The following KCNH5 variants were observed in gnomAD, a reference collection of about 807,000 sequenced individuals.
The protein encoded by KCNH5 is potassium voltage-gated channel subfamily H member 5.
KCNH5 carries 46 observed loss-of-function variants against 96.1 expected under a neutral mutation model. The ratio of observed to expected loss-of-function variants is 0.48; its 90% CI spans 0.38 to 0.61. KCNH5 has a LOEUF of 0.61. Among genes scored for constraint, KCNH5 ranks in the 20% least tolerant of loss-of-function variants. KCNH5 has a pLI of 0.00. For missense variants in KCNH5, 907 were observed against 1,225.8 expected (o/e 0.74, Z 3.88); for synonymous variants, 439 against 449.8 (o/e 0.98, Z 0.30).
At chr14:62,811,416 G>A (rs1886870657) in intron 8 of KCNH5, among the ~76,000 whole-genome samples, 1 of 152,044 alleles carries the variant, frequency 6.6e-6, no homozygotes, top group African/African-American at 2.4e-5. Flanking sequence ...AGCTTGCCAT[G>A]TTCTCCCATT....
chr14:62,883,211 T>A (rs1014752221), intron 7 of KCNH5, among the ~76,000 whole-genome samples: 1 of 152,206 alleles, frequency 6.6e-6, no homozygotes, highest in African/African-American at 2.4e-5. Flanking sequence ...TTTGATCCAA[T>A]CGGGACAACT....
intron 7 of KCNH5, among the ~76,000 whole-genome samples, chr14:62,854,971 G>C (rs1442971729): frequency 1.3e-5 from 2 of 150,978 alleles, no homozygotes; most frequent in African/African-American, 4.9e-5. Context: ...CATACCCTAT[G>C]ACTCTTTGAC....
At chr14:62,895,511 T>G (rs903296971) in intron 7 of KCNH5, among the ~76,000 whole-genome samples, 1 of 152,108 alleles carries the variant, frequency 6.6e-6, no homozygotes, top group Non-Finnish European at 1.5e-5. Context: ...TGTATTTTCT[T>G]TAGTAGAGAC....
chr14:62,779,250 G>A (rs529511296), intron 10 of KCNH5, among the ~76,000 whole-genome samples: 18 of 152,272 alleles, frequency 1.2e-4, no homozygotes, highest in African/African-American at 4.1e-4. Context: ...GTGTCAATGT[G>A]GCTAATTAAT....
At chr14:62,795,043 GAT>G (rs770623938) in intron 9 of KCNH5, among the ~76,000 whole-genome samples, 8 of 152,230 alleles carry the variant, frequency 5.3e-5, no homozygotes, top group Non-Finnish European at 1.0e-4. Context: ...TGTGGTCTGA[GAT>G]ACTTAACACA....
In KCNH5 at chr14:62,705,484, C is replaced by A. The variant is rs576369136; in HGVS notation, c.*2024G>T. On this transcript the variant is annotated 3_prime_UTR_variant, in exon 11 of 11. Transcript: ENST00000322893. ...CAAAATTCCAATTTCAAGGCTGATT[C>A]TTTACTCCATAATTATTTCATTTTC... The A allele has an allele frequency of 3.9e-5, 6 of 152,082 alleles. No homozygotes were observed. The highest frequency in any genetic ancestry group is 9.6e-5 in the African/African-American group (4 of 41,544). The allele number at this position is 152,082 out of a possible 1,614,324, so 9.4% of individuals were successfully genotyped here.
intron 7 of KCNH5, among the ~76,000 whole-genome samples, chr14:62,880,378 G>GT (rs1888468141): frequency 6.6e-6 from 1 of 152,158 alleles, no homozygotes; most frequent in East Asian, 1.9e-4. Context: ...GATTTCAAAA[G>GT]TATTAGTTTT....
chr14:62,708,003 T>C lies in KCNH5; in HGVS notation c.2472A>G (p.Lys824=). The C allele has an allele frequency of 6.2e-7, 1 of 1,614,214 alleles. No homozygotes were observed. The highest frequency in any genetic ancestry group is 8.5e-7 in the Non-Finnish European group (1 of 1,180,040). The change falls in exon 11 of 11, where the codon AAA becomes AAG. Residue 824 remains lysine, a synonymous_variant. Coordinates refer to ENST00000322893, the MANE Select transcript of KCNH5 (RefSeq NM_139318.5). ...LKNNMGAHEE[K]KEDWNNVTKA... ...TAGTGACATTATTCCAGTCTTCCTT[T>C]TTCTCCTCATGGGCTCCCATATTAT...
chr14:62,830,495 G>A (rs1331066876), intron 8 of KCNH5, among the ~76,000 whole-genome samples: 1 of 152,180 alleles, frequency 6.6e-6, no homozygotes, highest in Non-Finnish European at 1.5e-5. Context: ...CATGGCAAAG[G>A]GGAAGGTGAA....
intron 1 of KCNH5, among the ~76,000 whole-genome samples, chr14:63,019,907 G>A (rs1891393451): frequency 6.6e-6 from 1 of 152,076 alleles, no homozygotes; most frequent in African/African-American, 2.4e-5. Context: ...TACAGCCTGG[G>A]AGAAAATACT....
intron 7 of KCNH5, among the ~76,000 whole-genome samples, chr14:62,855,280 G>A (rs897426548): frequency 2.6e-5 from 4 of 152,042 alleles, no homozygotes; most frequent in Admixed American, 6.5e-5. Flanking sequence ...CGACCATTCC[G>A]TTTTTTCTTT....
chr14:62,929,506 A>G (rs1024671383), intron 7 of KCNH5, among the ~76,000 whole-genome samples: 2 of 151,928 alleles, frequency 1.3e-5, no homozygotes, highest in South Asian at 4.2e-4. Context: ...AGGGCCCTTC[A>G]TGGTCTGGTC....
Position 62,708,323 on chromosome 14 carries a change from C to G in KCNH5, c.2152G>C (p.Glu718Gln), listed in dbSNP as rs1308657380. The change falls in exon 11 of 11, where the codon GAG becomes CAG. Residue 718 changes from glutamate to glutamine, a missense_variant. Physicochemically the swap from Glu to Gln is conservative, Grantham distance 29. Around this residue, in one of 6 missense-constraint regions of KCNH5, gnomAD observed 362 missense variants for 394.4 expected, o/e 0.92. Coordinates refer to ENST00000322893, the MANE Select transcript of KCNH5 (RefSeq NM_139318.5). ...TGTGTTGAGCCCTGATTCCGCAGCT[C>G]CTTCTGCTGCTTGAACTTCTGGAAG... is the stretch of plus-strand genomic sequence containing the variant. ...KLFQKFKQQK[E>Q]LRNQGSTQGD... The G allele has an allele frequency of 5.0e-6, 8 of 1,614,028 alleles. No homozygotes were observed. In the Admixed American group the frequency reaches 1.3e-4, roughly 27 times the overall value.
chr14:62,734,908 C>T (rs546363969), intron 10 of KCNH5, among the ~76,000 whole-genome samples: 17 of 152,134 alleles, frequency 1.1e-4, no homozygotes, highest in African/African-American at 2.2e-4. Context: ...GAAATATATA[C>T]GTTGAAACAT....
intron 8 of KCNH5, among the ~76,000 whole-genome samples, chr14:62,835,009 A>T (rs1428892581): frequency 6.6e-6 from 1 of 152,050 alleles, no homozygotes. Context: ...GCTTGCAAAC[A>T]AAAAGCTTCA....
At chr14:62,761,601 A>G (rs759553986) in intron 10 of KCNH5, among the ~76,000 whole-genome samples, 2 of 152,204 alleles carry the variant, frequency 1.3e-5, no homozygotes, top group Non-Finnish European at 2.9e-5. Context: ...AAGAACTCTC[A>G]AAAGAACTCT....
chr14:62,947,346 G>A (rs550117982), intron 7 of KCNH5, among the ~76,000 whole-genome samples: 11 of 152,112 alleles, frequency 7.2e-5, no homozygotes, highest in African/African-American at 2.7e-4. Context: ...GTATACGTAG[G>A]TATCCATTTA....
At chr14:62,711,566 A>C (rs1408676740) in intron 10 of KCNH5, among the ~76,000 whole-genome samples, 1 of 152,198 alleles carries the variant, frequency 6.6e-6, no homozygotes, top group African/African-American at 2.4e-5. Context: ...ACTTATGACC[A>C]ACAAGACTGG....
At chr14:62,876,150 G>C (rs1318675602) in intron 7 of KCNH5, among the ~76,000 whole-genome samples, 1 of 152,208 alleles carries the variant, frequency 6.6e-6, no homozygotes, top group Non-Finnish European at 1.5e-5. Flanking sequence ...CTGGGTAACA[G>C]AGTGAGACTC....
Sources: allele counts gnomAD v4.1 joint callset (sites outside exome capture counted in the v4.1 genomes callset), GRCh38; gene constraint gnomAD v4.1.1; regional missense constraint gnomAD v4.1.1; transcripts MANE v1.5; gene names NCBI Gene and HGNC (gene_info 2026-07-23, HGNC 2026-07-21).